Variants in DPH6 observed in about 807,000 individuals in gnomAD.
DPH6 encodes diphthamine biosynthesis 6.
A neutral mutation model predicts 38.2 loss-of-function variants in DPH6; 33 were observed. That is an observed-to-expected ratio of 0.86 (90% CI 0.65 to 1.15). The LOEUF is 1.15. Ranked by LOEUF, DPH6 falls within the 50% of genes most tolerant of loss-of-function variation. The pLI, the probability that DPH6 is intolerant of heterozygous loss-of-function variation, is 0.00. For missense variants in DPH6, 325 were observed against 320.0 expected, an observed-to-expected ratio of 1.02 and a Z score of -0.12; for synonymous variants, 108 against 103.0, an observed-to-expected ratio of 1.05 and a Z score of -0.30.
chr15:35,452,598 T>C (rs2141084754), intron 4 of DPH6, among the ~76,000 whole-genome samples: 1 of 152,306 alleles, frequency 6.6e-6, no homozygotes, highest in Admixed American at 6.5e-5. Context: ...TTCATTTACA[T>C]ATACCCTGAC....
At chr15:35,268,217 A>AAAT (rs1361497928) in intron 3 of DPH6, among the ~76,000 whole-genome samples, 1 of 141,882 alleles carries the variant, frequency 7.0e-6, no homozygotes, top group African/African-American at 2.5e-5. Flanking sequence ...ATAAATAAAT[A>AAAT]AAAGAAAACT....
chr15:35,316,522 G>A (rs1024809201), intron 3 of DPH6, among the ~76,000 whole-genome samples: 1 of 152,138 alleles, frequency 6.6e-6, no homozygotes, highest in African/African-American at 2.4e-5. Context: ...AAGCTGAAGA[G>A]AGGCTTAGTG....
At chr15:35,470,806 C>T (rs1479628489) in intron 3 of DPH6, among the ~76,000 whole-genome samples, 2 of 152,098 alleles carry the variant, frequency 1.3e-5, no homozygotes, top group African/African-American at 4.8e-5. Context: ...AACAAAAACT[C>T]CTATCTTTAA....
intron 1 of DPH6, among the ~76,000 whole-genome samples, chr15:35,542,871 C>T (rs1459544387): frequency 2.3e-5 from 3 of 132,796 alleles, no homozygotes; most frequent in Admixed American, 8.2e-5. Flanking sequence ...ATATATTCTA[C>T]CTAAGGAATA....
intron 3 of DPH6, among the ~76,000 whole-genome samples, chr15:35,287,671 A>G (rs1312308230): frequency 6.6e-6 from 1 of 152,104 alleles, no homozygotes; most frequent in Non-Finnish European, 1.5e-5. Flanking sequence ...TATAAGCCTG[A>G]TTTTCACAAG....
At chr15:35,473,072 C>T (rs956653748) in intron 3 of DPH6, among the ~76,000 whole-genome samples, 4 of 152,108 alleles carry the variant, frequency 2.6e-5, no homozygotes, top group Non-Finnish European at 5.9e-5. Flanking sequence ...AATGCCTATA[C>T]TCAATATGAA....
At chr15:35,229,417 T>C (rs993550048) in intron 3 of DPH6, among the ~76,000 whole-genome samples, 5 of 152,144 alleles carry the variant, frequency 3.3e-5, no homozygotes, top group Non-Finnish European at 7.4e-5. Context: ...ATTTGTTAAA[T>C]TTAGCTGATA....
At chr15:35,522,120 GA>G (rs765515673) in intron 3 of DPH6, 29 of 1,612,848 alleles carry the variant, frequency 1.8e-5, no homozygotes, top group Non-Finnish European at 2.5e-5. Flanking sequence ...CAATCTCACT[GA>G]TAAAAGGAGG....
chr15:35,222,730 T>G (rs954793919), intron 3 of DPH6, among the ~76,000 whole-genome samples: 1 of 152,144 alleles, frequency 6.6e-6, no homozygotes, highest in Admixed American at 6.5e-5. Flanking sequence ...TACGCATTTG[T>G]CTCAGGTGAG....
chr15:35,231,913 C>T (rs368993286), intron 3 of DPH6, among the ~76,000 whole-genome samples: 1 of 152,110 alleles, frequency 6.6e-6, no homozygotes, highest in South Asian at 2.1e-4. Flanking sequence ...CTCATTACCA[C>T]GGGTAGGCAC....
At chr15:35,257,019 G>A (rs1371724795) in intron 3 of DPH6, among the ~76,000 whole-genome samples, 2 of 152,098 alleles carry the variant, frequency 1.3e-5, no homozygotes, top group African/African-American at 4.8e-5. Flanking sequence ...TAAGAATGGG[G>A]GTGATTTGAT....
At chr15:35,149,348 C>T in the DPH6 span, among the ~76,000 whole-genome samples, 8 of 152,160 alleles carry the variant, frequency 5.3e-5, no homozygotes, top group Non-Finnish European at 8.8e-5. Context: ...AGCGATTCTC[C>T]TGCCTCAGCC....
chr15:35,489,872 T>G (rs1455214771), intron 3 of DPH6: 12 of 966,648 alleles, frequency 1.2e-5, no homozygotes, highest in Non-Finnish European at 1.5e-5. Flanking sequence ...TTATACATTT[T>G]TTAATGTTTT....
rs1030054031 is a variant in DPH6 at position 35,542,413 on chromosome 15, C to T, written c.118G>A (p.Val40Met). 4 of 1,563,170 alleles carry T rather than the reference C, an allele frequency of 2.6e-6. No homozygotes were observed. The highest frequency in any genetic ancestry group is 2.3e-5 in the South Asian group (2 of 86,092). ...CTTCCCAATAAAGGCATGTACTTAC[C>T]TTGGTTTTCAGCTGGTCTTAGATTT... ...LANLRPAENQ[V>M]GSDELDSYMY... The change falls in exon 2 of 9, where the codon GTG (valine) becomes ATG (methionine). Residue 40 changes from valine (V) to methionine (M), a missense_variant and splice_region_variant. Transcript: ENST00000256538.
intron 6 of DPH6, among the ~76,000 whole-genome samples, chr15:35,390,395 C>T (rs1013946461): frequency 2.0e-4 from 31 of 152,200 alleles, no homozygotes; most frequent in African/African-American, 7.2e-4. Context: ...GCCTGCCTTG[C>T]TAGATTGGGG....
At chr15:35,388,548 G>C (rs9672571) in intron 6 of DPH6, among the ~76,000 whole-genome samples, 55,589 of 151,934 alleles carry the variant, frequency 0.37, 12,138 homozygotes, top group African/African-American at 0.62. Context: ...AGAGATTCAA[G>C]TTCTTCCTGG....
chr15:35,203,948 T>C, the DPH6 span, among the ~76,000 whole-genome samples: 1 of 151,706 alleles, frequency 6.6e-6, no homozygotes, highest in African/African-American at 2.4e-5. Flanking sequence ...TCTTATATTA[T>C]GTTTTTAAAA....
At chr15:35,454,667 G>A in intron 4 of DPH6, 80 bp downstream of exon 4, 2 of 1,208,698 alleles carry the variant, frequency 1.7e-6, no homozygotes, top group Non-Finnish European at 2.4e-6. Flanking sequence ...TTTATAATTT[G>A]AATATGATTA....
chr15:35,454,087 T>C (rs2053967700), intron 4 of DPH6, among the ~76,000 whole-genome samples: 1 of 152,140 alleles, frequency 6.6e-6, no homozygotes, highest in Non-Finnish European at 1.5e-5. Context: ...GGTGGTGTCT[T>C]GCCAGGCCAA....
Sources: allele counts gnomAD v4.1 joint callset (sites outside exome capture counted in the v4.1 genomes callset), GRCh38; gene constraint gnomAD v4.1.1; transcripts MANE v1.5; gene names NCBI Gene and HGNC (gene_info 2026-07-23, HGNC 2026-07-21).